OR51B5: variants seen among roughly 807,000 people sequenced by gnomAD.
The protein encoded by OR51B5 is olfactory receptor family 51 subfamily B member 5.
For missense variants in OR51B5, 456 were observed against 374.6 expected (o/e 1.22, Z -1.79); for synonymous variants, 186 against 144.8 (o/e 1.28, Z -2.04).
intron 1 of OR51B5, among the ~76,000 whole-genome samples, chr11:5,504,564 T>C (rs1846346397): frequency 6.6e-6 from 1 of 152,226 alleles, no homozygotes; most frequent in Non-Finnish European, 1.5e-5. Context: ...GCCTGCTCTT[T>C]CAGCAACATC....
chr11:5,460,348 G>A (rs1444476452), intron 1 of OR51B5, among the ~76,000 whole-genome samples: 1 of 152,152 alleles, frequency 6.6e-6, no homozygotes, highest in Non-Finnish European at 1.5e-5. Context: ...CATGACTCAA[G>A]TTTACCTATA....
chr11:5,450,815 C>T (rs183842736), intron 1 of OR51B5, among the ~76,000 whole-genome samples: 76 of 152,148 alleles, frequency 5.0e-4, no homozygotes, highest in Non-Finnish European at 8.7e-4. Context: ...TGAGAGCATG[C>T]GGTGTTTGGT....
chr11:5,342,956 G>GT lies in OR51B5; in HGVS notation c.568dup (p.Thr190AsnfsTer102). On this transcript the variant is annotated frameshift_variant, in exon 1 of 1. Coordinates refer to ENST00000300773, the Ensembl canonical transcript of OR51B5. LOFTEE classifies it low-confidence loss of function (END_TRUNC). Reference sequence around the variant, plus strand: ...AGCTGGGTACAGTCGGTTGAAGGTGGTATCAGCACAGGCGAGTTTAATGAC... The same window carrying GT: ...AGCTGGGTACAGTCGGTTGAAGGTGGTTATCAGCACAGGCGAGTTTAATGAC... The GT allele has an allele frequency of 6.2e-7, 1 of 1,613,816 alleles. No individual in the cohort carries two copies. The highest frequency in any genetic ancestry group is 8.5e-7 in the Non-Finnish European group (1 of 1,179,836).
intron 1 of OR51B5, among the ~76,000 whole-genome samples, chr11:5,416,799 C>T (rs1431951121): frequency 1.3e-5 from 2 of 151,038 alleles, no homozygotes; most frequent in East Asian, 2.0e-4. Context: ...AATGGAAGAA[C>T]ATTCCATGCT....
At chr11:5,486,118 C>G (rs428196) in intron 1 of OR51B5, among the ~76,000 whole-genome samples, 146,222 of 151,948 alleles carry the variant, frequency 0.96, 70,381 homozygotes, top group South Asian at 0.99. Context: ...CCAGCCTCCA[C>G]AACTGTGAGA....
exon 1 of OR51B5, chr11:5,342,822 C>G: frequency 1.2e-6 from 2 of 1,613,380 alleles, no homozygotes; most frequent in Non-Finnish European, 1.7e-6. Context: ...GTAATGAGAG[C>G]CTTGGCCCTC....
chr11:5,387,133 G>C (rs1849707498), intron 1 of OR51B5, among the ~76,000 whole-genome samples: 1 of 152,058 alleles, frequency 6.6e-6, no homozygotes, highest in Non-Finnish European at 1.5e-5. Context: ...ACAGTAAACT[G>C]AATAACATAA....
intron 1 of OR51B5, among the ~76,000 whole-genome samples, chr11:5,413,161 T>C (rs1850178506): frequency 6.6e-6 from 1 of 152,304 alleles, no homozygotes; most frequent in East Asian, 1.9e-4. Flanking sequence ...CTGCTGCTGA[T>C]ACCCAGGCAA....
At chr11:5,455,649 T>A (rs1389904758) in intron 1 of OR51B5, 1 of 149,606 alleles carries the variant, frequency 6.7e-6, no homozygotes, top group Non-Finnish European at 1.5e-5. Flanking sequence ...CACTAGGTAG[T>A]CTAACTTAAC....
intron 1 of OR51B5, among the ~76,000 whole-genome samples, chr11:5,414,469 T>A (rs1195997879): frequency 2.0e-5 from 3 of 151,838 alleles, no homozygotes; most frequent in African/African-American, 7.3e-5. Flanking sequence ...AATGCTCCAA[T>A]TAAAAGACAC....
At chr11:5,399,765 CAA>C (rs35778548) in intron 1 of OR51B5, among the ~76,000 whole-genome samples, 110,674 of 143,444 alleles carry the variant, frequency 0.77, 43,314 homozygotes, top group Non-Finnish European at 0.86. Flanking sequence ...GAGAAGGATG[CAA>C]AAAAAAAAAA....
At chr11:5,348,432 T>C (rs1849027232), upstream of OR51B5, among the ~76,000 whole-genome samples, 11 of 152,104 alleles carry the variant, frequency 7.2e-5, no homozygotes, top group Admixed American at 7.2e-4. Context: ...AATCAACTCT[T>C]CCAAATTCTT....
At chr11:5,479,658 T>G (rs1851382976) in intron 1 of OR51B5, among the ~76,000 whole-genome samples, 2 of 151,694 alleles carry the variant, frequency 1.3e-5, no homozygotes, top group Middle Eastern at 3.4e-3. Context: ...AATAAAAGGA[T>G]GGAGGAAGAT....
At chr11:5,440,765 C>T (rs764810241) in intron 1 of OR51B5, 1 of 1,613,922 alleles carries the variant, frequency 6.2e-7, no homozygotes, top group Non-Finnish European at 8.5e-7. Flanking sequence ...AAAAGGCCAG[C>T]ACTGCACAGA....
chr11:5,349,657 C>T (rs1461405104), intron 1 of OR51B5, among the ~76,000 whole-genome samples: 2 of 152,040 alleles, frequency 1.3e-5, no homozygotes, highest in African/African-American at 4.8e-5. Context: ...AAGTTATATA[C>T]CTATGTACAA....
rs571670839 is a variant in OR51B5 at position 5,360,366 on chromosome 11, T to A, written n.85-13456A>T. 3.9e-3 allele frequency among the ~76,000 whole-genome samples: 588 copies of A among 152,168 alleles called. 2 individuals are homozygous for A. Among genetic ancestry groups the A allele is most frequent in the Middle Eastern group, 0.01 (3 of 294 alleles). On this transcript the variant is annotated intron_variant and non_coding_transcript_variant, in intron 1 of 4. Coordinates refer to the OR51B5 transcript ENST00000415970. ...GACACTTCTCAAAAGAAGACATTTA[T>A]GCAGTCAACAGACACATGAAAAAAT...
intron 1 of OR51B5, among the ~76,000 whole-genome samples, chr11:5,487,650 C>G (rs117567014): frequency 1.3e-5 from 2 of 152,300 alleles, no homozygotes; most frequent in South Asian, 4.1e-4. Context: ...CTAGCTATCC[C>G]TCTACAGCAA....
chr11:5,432,526 A>C lies in OR51B5; in HGVS notation n.84+73043T>G, dbSNP rs368015671. On this transcript the variant is annotated intron_variant and non_coding_transcript_variant, in intron 1 of 4. Coordinates refer to the OR51B5 transcript ENST00000415970. ...AAGAAAAAATGAGAAAATTAATGTC[A>C]CATATTCAGTATTTTGAACTAAAGT... 7.2e-5 allele frequency among the ~76,000 whole-genome samples: 11 copies of C among 152,324 alleles called. No homozygotes were observed. In the East Asian group the frequency reaches 2.1e-3, roughly 29 times the overall value.
At chr11:5,454,421 A>C (rs1382468208) in intron 1 of OR51B5, 1 of 1,603,462 alleles carries the variant, frequency 6.2e-7, no homozygotes, top group African/African-American at 1.3e-5. Context: ...ACCACATCAA[A>C]ATATGACTTT....
Sources: allele counts gnomAD v4.1 joint callset (sites outside exome capture counted in the v4.1 genomes callset), GRCh38; gene constraint gnomAD v4.1.1; transcripts MANE v1.5; gene names NCBI Gene and HGNC (gene_info 2026-07-23, HGNC 2026-07-21).